Variants in GASK1A observed in about 807,000 individuals in gnomAD.
GASK1A encodes Golgi-associated kinase 1A.
In GASK1A, 40 loss-of-function variants were observed where a neutral mutation model predicts 41.2. That is an observed-to-expected ratio of 0.97 (90% CI 0.75 to 1.27). The LOEUF (loss-of-function observed/expected upper bound fraction) is 1.27. Ranked by LOEUF, GASK1A falls within the 50% of genes most tolerant of loss-of-function variation. The probability of loss-of-function intolerance (pLI) is 0.00; values close to 1 mark genes in which losing one functional copy is unlikely to be tolerated. For synonymous variants in GASK1A, 316 were observed against 307.1 expected (o/e 1.03, Z -0.30); for missense variants, 678 against 745.1 (o/e 0.91, Z 1.05).
In GASK1A at chr3:43,033,159, C is replaced by T. The variant is rs759826398; in HGVS notation, c.896C>T (p.Ala299Val). The T allele has an allele frequency of 2.6e-6, 4 of 1,550,128 alleles. No individual in the cohort carries two copies. Among genetic ancestry groups the T allele is most frequent in the Non-Finnish European group, 2.6e-6 (3 of 1,145,874 alleles). The change falls in exon 2 of 5, where the codon GCC (alanine) becomes GTC (valine). Residue 299 changes from alanine to valine, a missense_variant. Coordinates refer to ENST00000430121, the MANE Select transcript of GASK1A (RefSeq NM_001129908.3). ...CAGGTTGGCTTCTCCACTGAGGCTG[C>T]CCTTCAGGACCTGTCCTCTCCCAGG... ...VLQVGFSTEA[A>V]LQDLSSPRLS...
intron 1 of GASK1A, among the ~76,000 whole-genome samples, chr3:43,029,792 T>A (rs146096615): frequency 6.6e-6 from 1 of 152,156 alleles, no homozygotes; most frequent in Non-Finnish European, 1.5e-5. Context: ...GTAACTGAGA[T>A]TTCCCATTTC....
chr3:43,008,864 G>A (rs1041880769), intron 1 of GASK1A, among the ~76,000 whole-genome samples: 25 of 152,336 alleles, frequency 1.6e-4, no homozygotes, highest in African/African-American at 6.0e-4. Context: ...TGGTTTGCCA[G>A]TGTTCAGAAT....
chr3:42,997,878 G>A (rs2089385117), intron 1 of GASK1A, among the ~76,000 whole-genome samples: 1 of 152,206 alleles, frequency 6.6e-6, no homozygotes. Flanking sequence ...AGTGCAGGGT[G>A]CATGAGAGGG....
chr3:42,985,607 G>C (rs896959782), intron 1 of GASK1A, among the ~76,000 whole-genome samples: 1 of 151,360 alleles, frequency 6.6e-6, no homozygotes, highest in Non-Finnish European at 1.5e-5. Flanking sequence ...AGGGGAGCAG[G>C]TGGTAGGTGG....
intron 2 of GASK1A, among the ~76,000 whole-genome samples, chr3:43,034,756 T>C (rs1423307718): frequency 6.6e-6 from 1 of 152,202 alleles, no homozygotes; most frequent in African/African-American, 2.4e-5. Flanking sequence ...CCAGCTTCCC[T>C]TGAAAAATTG....
Position 43,055,458 on chromosome 3 carries a change from G to A in GASK1A, c.1440G>A (p.Leu480=). 1 of 1,551,710 alleles carries A rather than the reference G, an allele frequency of 6.4e-7. No individual in the cohort carries two copies. Among genetic ancestry groups the A allele is most frequent in the Non-Finnish European group, 8.7e-7 (1 of 1,146,958 alleles). The part of the protein sequence containing the change: ...ILVRSSDPSH[L]VYIDNAGNLQ... ...TCCGGAGCAGCGATCCATCTCACCT[G>A]GTCTACATCGATAACGCTGGCAACC... The change falls in exon 4 of 5, where the codon CTG becomes CTA. Residue 480 remains leucine (L), a synonymous_variant. Coordinates refer to ENST00000430121, the MANE Select transcript of GASK1A (RefSeq NM_001129908.3).
In GASK1A at chr3:43,036,825, C is replaced by T. The variant is rs78733658; in HGVS notation, c.1290+3272C>T. 7.4e-4 allele frequency among the ~76,000 whole-genome samples: 113 copies of T among 152,324 alleles called. 3 individuals carry two copies. In the East Asian group the frequency reaches 0.02, roughly 27 times the overall value. On this transcript the variant is annotated intron_variant, in intron 2 of 4. Transcript: ENST00000430121. ...CGATGGTGTCAGCTGGCAACCTGAA[C>T]AGCTTAAGAGAGGACCCTGAGCTAG...
intron 1 of GASK1A, among the ~76,000 whole-genome samples, chr3:43,029,575 A>G (rs1289232506): frequency 2.0e-5 from 3 of 152,086 alleles, no homozygotes; most frequent in South Asian, 2.1e-4. Context: ...GAGCTGGTCC[A>G]GAGAGTGGGA....
rs1347002870 is a variant in GASK1A at position 43,021,227 on chromosome 3, TCTC to T, written c.4-11037_4-11035del. ...ACCCCATTCTTGTCAGAATCTGTCTTCTCCTTTAACTCCCTGACATACTTCCCT... is the reference window on the plus strand; with the variant it reads ...ACCCCATTCTTGTCAGAATCTGTCTTCTTTAACTCCCTGACATACTTCCCT... On this transcript the variant is annotated intron_variant, in intron 1 of 4. Coordinates refer to ENST00000430121, the MANE Select transcript of GASK1A (RefSeq NM_001129908.3). Among the ~76,000 whole-genome samples the T allele has an allele frequency of 1.8e-4, 27 of 152,088 alleles. 1 individual carries two copies. Among genetic ancestry groups the T allele is most frequent in the Admixed American group, 1.8e-3 (27 of 15,276 alleles).
At chr3:42,993,251 T>C (rs887507316) in intron 1 of GASK1A, among the ~76,000 whole-genome samples, 45 of 152,352 alleles carry the variant, frequency 3.0e-4, no homozygotes, top group African/African-American at 1.0e-3. Flanking sequence ...TCTTCAATAA[T>C]GAATGTAGGC....
At chr3:42,992,708 T>C (rs2089347608) in intron 1 of GASK1A, among the ~76,000 whole-genome samples, 1 of 152,166 alleles carries the variant, frequency 6.6e-6, no homozygotes. Context: ...GGACGCCTAG[T>C]TCAAGAGTTG....
intron 1 of GASK1A, among the ~76,000 whole-genome samples, chr3:43,026,250 A>T (rs551052274): frequency 6.6e-6 from 1 of 152,370 alleles, no homozygotes; most frequent in East Asian, 1.9e-4. Context: ...TGCAGGATGC[A>T]GCCTGGTCAT....
Position 42,992,821 on chromosome 3 carries a change from C to G in GASK1A, c.3+13176C>G, listed in dbSNP as rs146651812. 3.7e-3 allele frequency among the ~76,000 whole-genome samples: 557 copies of G among 152,318 alleles called. 4 individuals carry two copies. The highest frequency in any genetic ancestry group is 0.012 in the African/African-American group (513 of 41,572). On this transcript the variant is annotated intron_variant, in intron 1 of 4. Coordinates refer to ENST00000430121, the MANE Select transcript of GASK1A (RefSeq NM_001129908.3). Reference sequence around the variant, plus strand: ...TCGCAAATCGGGCAGCTGCCAGAATCACAGCAGATTCACAAAGACTCCAGG... The same window carrying G: ...TCGCAAATCGGGCAGCTGCCAGAATGACAGCAGATTCACAAAGACTCCAGG...
At chr3:42,981,934 G>A (rs971070180) in intron 1 of GASK1A, among the ~76,000 whole-genome samples, 8 of 151,880 alleles carry the variant, frequency 5.3e-5, no homozygotes, top group East Asian at 1.9e-4. Flanking sequence ...GTTTGAATAC[G>A]GTATCCTTTA....
chr3:43,007,511 C>T (rs913181019), intron 1 of GASK1A, among the ~76,000 whole-genome samples: 6 of 152,090 alleles, frequency 3.9e-5, no homozygotes, highest in African/African-American at 1.2e-4. Context: ...GTTTTTTATC[C>T]TATCAGCACC....
intron 3 of GASK1A, chr3:43,054,056 C>A: frequency 3.0e-6 from 1 of 337,592 alleles, no homozygotes; most frequent in Non-Finnish European, 5.8e-6. Flanking sequence ...AGGGCATGAA[C>A]CCAAGACTGC....
chr3:43,052,255 A>G (rs987742186), intron 2 of GASK1A, among the ~76,000 whole-genome samples: 1 of 152,164 alleles, frequency 6.6e-6, no homozygotes, highest in Non-Finnish European at 1.5e-5. Flanking sequence ...CCTGAACTCA[A>G]AGCTCAGCAT....
At chr3:43,011,153 G>A (rs2089461508) in intron 1 of GASK1A, among the ~76,000 whole-genome samples, 1 of 152,218 alleles carries the variant, frequency 6.6e-6, no homozygotes, top group South Asian at 2.1e-4. Flanking sequence ...GGAGGCCGAG[G>A]TGGGCAGATC....
intron 1 of GASK1A, among the ~76,000 whole-genome samples, chr3:42,989,959 G>A (rs867136583): frequency 3.7e-4 from 56 of 152,210 alleles, no homozygotes; most frequent in Middle Eastern, 3.4e-3. Context: ...CTTTGGAGGA[G>A]TCTCTGTGTG....
Sources: allele counts gnomAD v4.1 joint callset (sites outside exome capture counted in the v4.1 genomes callset), GRCh38; gene constraint gnomAD v4.1.1; transcripts MANE v1.5; gene names NCBI Gene and HGNC (gene_info 2026-07-23, HGNC 2026-07-21).